Variants in ABCA1 observed in about 807,000 individuals in gnomAD.
The protein encoded by ABCA1 is ATP binding cassette subfamily A member 1.
Under a neutral mutation model 262.5 loss-of-function variants are expected in ABCA1, and 133 were observed. The observed-to-expected ratio is 0.51, with a 90% CI of 0.44 to 0.59. ABCA1 has a LOEUF of 0.59. Ranked by LOEUF, ABCA1 falls within the 20% of genes least tolerant of loss-of-function variation. The pLI, the probability that ABCA1 is intolerant of heterozygous loss-of-function variation, is 0.00. For synonymous variants in ABCA1, 1,022 were observed against 1,043.5 expected, an observed-to-expected ratio of 0.98 and a Z score of 0.40; for missense variants, 2,452 against 2,777.5, an observed-to-expected ratio of 0.88 and a Z score of 2.63.
chr9:104,801,985 G>T, intron 34 of ABCA1, 69 bp downstream of exon 34: 1 of 1,416,168 alleles, frequency 7.1e-7, no homozygotes, highest in Non-Finnish European at 1.0e-6. Context: ...CGTTTAACCT[G>T]CCAACTACTC....
At chr9:104,878,693 T>C (rs1838360843) in intron 5 of ABCA1, among the ~76,000 whole-genome samples, 1 of 152,138 alleles carries the variant, frequency 6.6e-6, no homozygotes, top group Non-Finnish European at 1.5e-5. Context: ...ACGCTCAATA[T>C]ATAAGGGTTG....
At chr9:104,924,824 G>T (rs796080650) in intron 1 of ABCA1, among the ~76,000 whole-genome samples, 2 of 151,982 alleles carry the variant, frequency 1.3e-5, no homozygotes, top group Non-Finnish European at 2.9e-5. Flanking sequence ...CCCGGCTTAC[G>T]GGAGAGAAGA....
chr9:104,880,796 C>T (rs1231445245), intron 5 of ABCA1, among the ~76,000 whole-genome samples: 4 of 152,090 alleles, frequency 2.6e-5, no homozygotes, highest in Non-Finnish European at 5.9e-5. Flanking sequence ...GAGCTCTGCA[C>T]ACTACTGTAG....
In ABCA1 at chr9:104,784,233, C is replaced by G; in HGVS notation, c.*82G>C. 3.2e-6 allele frequency: 5 copies of G among 1,582,576 alleles called. No homozygotes were observed. The highest frequency in any genetic ancestry group is 4.3e-6 in the Non-Finnish European group (5 of 1,154,218). ...CTTCTTCCCACATCAACTTCTGGCT[C>G]TTTTCTCCACAACACTTCACATGGT... On this transcript the variant is annotated 3_prime_UTR_variant, in exon 50 of 50. Coordinates refer to ENST00000374736, the MANE Select transcript of ABCA1 (RefSeq NM_005502.4).
intron 1 of ABCA1, among the ~76,000 whole-genome samples, chr9:104,919,767 T>C (rs188638923): frequency 3.3e-5 from 5 of 152,354 alleles, no homozygotes; most frequent in Admixed American, 3.3e-4. Flanking sequence ...AACCAACTCC[T>C]CCTTCCTTTG....
intron 2 of ABCA1, among the ~76,000 whole-genome samples, chr9:104,901,960 A>T (rs1011142028): frequency 6.6e-5 from 10 of 152,116 alleles, no homozygotes; most frequent in Non-Finnish European, 1.5e-4. Flanking sequence ...TATTTTATTA[A>T]TATAATATTA....
chr9:104,828,290 C>T (rs1832969922), intron 15 of ABCA1, among the ~76,000 whole-genome samples: 4 of 152,168 alleles, frequency 2.6e-5, no homozygotes. Context: ...TAGGTGGTGT[C>T]AGGAGGGAGG....
intron 20 of ABCA1, among the ~76,000 whole-genome samples, chr9:104,820,414 C>T (rs1376331199): frequency 6.6e-6 from 1 of 152,070 alleles, no homozygotes; most frequent in Non-Finnish European, 1.5e-5. Flanking sequence ...GAAGTCAGCT[C>T]GGCACTCACC....
intron 15 of ABCA1, among the ~76,000 whole-genome samples, chr9:104,828,231 G>A (rs1001414232): frequency 2.0e-5 from 3 of 152,188 alleles, no homozygotes; most frequent in Non-Finnish European, 2.9e-5. Flanking sequence ...CCTGGGGCAC[G>A]ACCTTCCCAG....
chr9:104,818,653 T>C lies in ABCA1; in HGVS notation c.3462+10A>G. ...CCCAACACCAGCCCAGCACCAAGAC[T>C]GCAGCTCACCTTTTTCAGGTATGAC... On this transcript the variant is annotated intron_variant, in intron 23 of 49. Coordinates refer to ENST00000374736, the MANE Select transcript of ABCA1 (RefSeq NM_005502.4). 1 of 1,612,372 alleles carries C rather than the reference T, an allele frequency of 6.2e-7. No homozygotes were observed. The highest frequency in any genetic ancestry group is 8.5e-7 in the Non-Finnish European group (1 of 1,179,722).
At chr9:104,924,267 TAAC>T (rs1280327425) in intron 1 of ABCA1, among the ~76,000 whole-genome samples, 2 of 152,076 alleles carry the variant, frequency 1.3e-5, no homozygotes, top group Non-Finnish European at 2.9e-5. Flanking sequence ...TAAATGACCA[TAAC>T]AACTACTATA....
At chr9:104,860,010 C>G (rs949067233) in intron 6 of ABCA1, among the ~76,000 whole-genome samples, 4 of 149,350 alleles carry the variant, frequency 2.7e-5, no homozygotes, top group Non-Finnish European at 5.9e-5. Flanking sequence ...GCTGAGATCA[C>G]GCCACTGCAC....
At chr9:104,913,786 AT>A (rs914491489) in intron 1 of ABCA1, among the ~76,000 whole-genome samples, 12 of 150,184 alleles carry the variant, frequency 8.0e-5, no homozygotes, top group South Asian at 2.1e-4. Context: ...TTTTTATTTT[AT>A]TTTATTTATT....
At chr9:104,837,156 C>T (rs576698017) in intron 10 of ABCA1, 60 bp from the exon 11 acceptor site, 7 of 1,354,896 alleles carry the variant, frequency 5.2e-6, no homozygotes, top group African/African-American at 2.0e-5. Context: ...AGACAATGAG[C>T]GTTTGGCTCC....
chr9:104,849,343 C>T (rs1252017012), intron 7 of ABCA1, among the ~76,000 whole-genome samples: 1 of 152,118 alleles, frequency 6.6e-6, no homozygotes, highest in Non-Finnish European at 1.5e-5. Context: ...TATGATATGA[C>T]CTTCTTATCA....
At chr9:104,794,566 T>C (rs1417600076) in intron 39 of ABCA1, 56 bp from the exon 40 acceptor site, 14 of 1,570,328 alleles carry the variant, frequency 8.9e-6, no homozygotes, top group Non-Finnish European at 1.0e-5. Flanking sequence ...AAGAAACGGG[T>C]GTCATTCATG....
At position 104,816,323 on chromosome 9, in the gene ABCA1, G is replaced by A. The variant is rs1767270215; in HGVS notation, c.3558C>T (p.Leu1186=). The change falls in exon 25 of 50, where the codon CTC becomes CTT. Residue 1186 remains leucine, a synonymous_variant. Coordinates refer to ENST00000374736, the MANE Select transcript of ABCA1 (RefSeq NM_005502.4). ...GGGCTTCAGACACATGCTTCCTGAT[G>A]AGGTTGGAGATAGCAGAGACATCTG... is the stretch of plus-strand genomic sequence containing the variant. ...LTIDVSAISN[L]IRKHVSEARL... 6.2e-7 allele frequency: 1 copy of A among 1,613,812 alleles called. No individual in the cohort carries two copies. Among genetic ancestry groups the A allele is most frequent in the African/African-American group, 1.3e-5 (1 of 74,862 alleles).
At chr9:104,828,680 G>C (rs540204425) in intron 15 of ABCA1, among the ~76,000 whole-genome samples, 18 of 152,310 alleles carry the variant, frequency 1.2e-4, no homozygotes, top group African/African-American at 4.1e-4. Context: ...TGGAAAGCAT[G>C]AACCCTGCAC....
chr9:104,794,269 G>A (rs1001359689), intron 40 of ABCA1, 118 bp downstream of exon 40: 84 of 1,490,286 alleles, frequency 5.6e-5, no homozygotes, highest in Non-Finnish European at 6.5e-6. Context: ...TGGGCATGGG[G>A]GTGGGGGAAC....
Sources: gnomAD v4.1 joint callset for allele counts (sites outside exome capture counted in the v4.1 genomes callset) on GRCh38, gnomAD v4.1.1 for gene constraint, MANE v1.5 for transcripts, NCBI Gene and HGNC (gene_info 2026-07-23, HGNC 2026-07-21) for gene names.